Variants in IGSF5 observed in about 807,000 individuals in gnomAD.
The protein encoded by IGSF5 is immunoglobulin superfamily member 5.
IGSF5 carries 41 observed loss-of-function variants against 39.4 expected under a neutral mutation model. The observed-to-expected ratio is 1.04, with a 90% CI of 0.81 to 1.35. The LOEUF (loss-of-function observed/expected upper bound fraction) is 1.35, where lower values mean the gene tolerates loss of function less well. Ranked by LOEUF, IGSF5 falls within the 40% of genes most tolerant of loss-of-function variation. The pLI is 0.00. For synonymous variants in IGSF5, 183 were observed against 175.3 expected (o/e 1.04, Z -0.34); for missense variants, 487 against 494.6 (o/e 0.98, Z 0.15).
chr21:39,760,228 C>G (rs1210553310), intron 2 of IGSF5, among the ~76,000 whole-genome samples: 1 of 152,154 alleles, frequency 6.6e-6, no homozygotes, highest in Non-Finnish European at 1.5e-5. Flanking sequence ...TCACTCAGTA[C>G]ATATTCACTG....
At position 39,779,312 on chromosome 21, in the gene IGSF5, T is replaced by A; in HGVS notation, c.934+7T>A. ...TGCTGTAGAAGAAAAAGAGGTAATT[T>A]TTTTGTTCATTTACATTTGTACATA... On this transcript the variant is annotated splice_region_variant and intron_variant, in intron 5 of 8. Transcript: ENST00000380588. 6.2e-7 allele frequency: 1 copy of A among 1,610,376 alleles called. No individual in the cohort carries two copies.
chr21:39,743,961 G>T (rs141853447), upstream of IGSF5, among the ~76,000 whole-genome samples: 34 of 152,114 alleles, frequency 2.2e-4, no homozygotes, highest in African/African-American at 8.0e-4. Flanking sequence ...TTTTGCCTTG[G>T]GGGGAACGTT....
intron 2 of IGSF5, among the ~76,000 whole-genome samples, chr21:39,765,323 G>C (rs9784202): frequency 1.3e-5 from 2 of 152,150 alleles, no homozygotes; most frequent in Admixed American, 6.5e-5. Flanking sequence ...GTAGAGTTAG[G>C]GGGTAGAGTG....
chr21:39,716,918 C>T, the IGSF5 span, among the ~76,000 whole-genome samples: 24 of 152,286 alleles, frequency 1.6e-4, no homozygotes, highest in African/African-American at 4.3e-4. Flanking sequence ...TTTGAGGAAT[C>T]ACCACACTGC....
intron 6 of IGSF5, among the ~76,000 whole-genome samples, chr21:39,788,411 T>G (rs984417450): frequency 1.1e-4 from 17 of 152,220 alleles, no homozygotes; most frequent in Non-Finnish European, 2.9e-5. Flanking sequence ...CTGCCTACCT[T>G]TGACTTGCTC....
chr21:39,786,823 T>C (rs878987067), intron 5 of IGSF5, among the ~76,000 whole-genome samples: 1 of 152,028 alleles, frequency 6.6e-6, no homozygotes, highest in African/African-American at 2.4e-5. Flanking sequence ...ATGGATGAAA[T>C]TGGAAATCAT....
intron 4 of IGSF5, among the ~76,000 whole-genome samples, chr21:39,776,212 A>AT (rs3068554): frequency 6.6e-6 from 1 of 151,156 alleles, no homozygotes; most frequent in Non-Finnish European, 1.5e-5. Flanking sequence ...GTATAGATAT[A>AT]AAATATATAT....
the IGSF5 span, among the ~76,000 whole-genome samples, chr21:39,715,211 T>C: frequency 9.9e-5 from 15 of 152,202 alleles, no homozygotes; most frequent in African/African-American, 3.1e-4. Context: ...TCCACCTCCC[T>C]GGCTCAGGTG....
chr21:39,801,682 A>C lies in IGSF5; in HGVS notation c.*325A>C, dbSNP rs893013684. 1 of 207,846 alleles carries C rather than the reference A, an allele frequency of 4.8e-6. No individual in the cohort carries two copies. The highest frequency in any genetic ancestry group is 9.7e-6 in the Non-Finnish European group (1 of 102,984). The allele number at this position is 207,846 out of a possible 1,614,324, so 12.9% of individuals were successfully genotyped here. On this transcript the variant is annotated 3_prime_UTR_variant, in exon 9 of 9. Transcript: ENST00000380588. Reference sequence around the variant, plus strand: ...CAACAAATGGTAGATAAAAGTCTGTATTCTACCATGCCTTTCAAAAGTTTT... The same window carrying C: ...CAACAAATGGTAGATAAAAGTCTGTCTTCTACCATGCCTTTCAAAAGTTTT...
the IGSF5 span, among the ~76,000 whole-genome samples, chr21:39,726,952 A>C: frequency 6.6e-6 from 1 of 152,278 alleles, no homozygotes; most frequent in South Asian, 2.1e-4. Flanking sequence ...TGGAAAGGCC[A>C]TTGATGGCTC....
At chr21:39,774,502 A>G (rs1400932664) in intron 4 of IGSF5, among the ~76,000 whole-genome samples, 1 of 152,230 alleles carries the variant, frequency 6.6e-6, no homozygotes, top group Non-Finnish European at 1.5e-5. Flanking sequence ...ATAGTTCAAA[A>G]GGTTTCTTTA....
intron 4 of IGSF5, among the ~76,000 whole-genome samples, chr21:39,776,128 A>G (rs2080138976): frequency 1.3e-5 from 2 of 152,198 alleles, no homozygotes; most frequent in Admixed American, 1.3e-4. Flanking sequence ...TTCAGTATAC[A>G]GTAAATGCAC....
At position 39,788,182 on chromosome 21, in the gene IGSF5, T is replaced by C; in HGVS notation, c.950T>C (p.Phe317Ser). The C allele has an allele frequency of 6.3e-7, 1 of 1,591,166 alleles. No individual in the cohort carries two copies. Among genetic ancestry groups the C allele is most frequent in the Non-Finnish European group, 8.6e-7 (1 of 1,162,832 alleles). The stretch of plus-strand genomic sequence containing the variant: ...TTTTTTGCAGGATTTCGTATTCAAT[T>C]TCAAAAGTAAGTTTGAAACCACATC... ...CRRKRGFRIQ[F>S]QKKSEKEKTN... Residue 317 changes from phenylalanine (F) to serine (S), a missense_variant, in exon 6 of 9, where the codon TTT (phenylalanine) becomes TCT (serine). Transcript: ENST00000380588.
chr21:39,787,349 A>C (rs1260848559), intron 5 of IGSF5, among the ~76,000 whole-genome samples: 2 of 152,194 alleles, frequency 1.3e-5, no homozygotes, highest in Non-Finnish European at 2.9e-5. Flanking sequence ...AAAACTAAGG[A>C]AAATGAGTAT....
the IGSF5 span, among the ~76,000 whole-genome samples, chr21:39,740,034 T>G: frequency 8.5e-5 from 13 of 152,224 alleles, no homozygotes; most frequent in African/African-American, 3.1e-4. Context: ...TTTTGGTGAG[T>G]GGTTTTAAGT....
the IGSF5 span, among the ~76,000 whole-genome samples, chr21:39,713,151 C>T: frequency 1.3e-5 from 2 of 152,222 alleles, no homozygotes; most frequent in African/African-American, 4.8e-5. Context: ...CTTTCCCTGC[C>T]ACCGTGTGGT....
At chr21:39,798,878 G>A (rs1420268562) in intron 8 of IGSF5, among the ~76,000 whole-genome samples, 2 of 152,168 alleles carry the variant, frequency 1.3e-5, no homozygotes, top group Admixed American at 6.5e-5. Context: ...ATCCCCTGAT[G>A]CTTTCAGTGC....
At chr21:39,796,514 G>A (rs990927463) in intron 8 of IGSF5, among the ~76,000 whole-genome samples, 2 of 152,202 alleles carry the variant, frequency 1.3e-5, no homozygotes, top group African/African-American at 4.8e-5. Flanking sequence ...AGACAGCTGA[G>A]AGCTATTCAG....
At chr21:39,720,775 G>A in the IGSF5 span, among the ~76,000 whole-genome samples, 1 of 152,322 alleles carries the variant, frequency 6.6e-6, no homozygotes, top group South Asian at 2.1e-4. Flanking sequence ...ATTGTGACAT[G>A]TTTACCATAC....
Sources: allele counts gnomAD v4.1 joint callset (sites outside exome capture counted in the v4.1 genomes callset), GRCh38; gene constraint gnomAD v4.1.1; transcripts MANE v1.5; gene names NCBI Gene and HGNC (gene_info 2026-07-23, HGNC 2026-07-21).